CCSER1: variants seen among roughly 807,000 people sequenced by gnomAD.
CCSER1 encodes the protein coiled-coil serine rich protein 1, also known as serine-rich coiled-coil domain-containing protein 1.
CCSER1 carries 41 observed loss-of-function variants against 82.0 expected under a neutral mutation model. The observed-to-expected ratio is 0.50, with a 90% CI of 0.39 to 0.65. CCSER1 has a LOEUF of 0.65. CCSER1 is among the 30% of genes least tolerant of loss of function. The probability of loss-of-function intolerance (pLI) is 0.00; values close to 1 mark genes in which losing one functional copy is unlikely to be tolerated. For synonymous variants in CCSER1, 414 were observed against 383.9 expected (o/e 1.08, Z -0.92); for missense variants, 1,119 against 1,064.2 (o/e 1.05, Z -0.72).
intron 10 of CCSER1, among the ~76,000 whole-genome samples, chr4:91,558,857 A>G (rs1032466876): frequency 6.6e-6 from 1 of 151,588 alleles, no homozygotes; most frequent in Non-Finnish European, 1.5e-5. Context: ...GATTTGGGTG[A>G]GGACACAGCC....
chr4:90,741,295 C>T (rs188103285), intron 7 of CCSER1, among the ~76,000 whole-genome samples: 13 of 152,274 alleles, frequency 8.5e-5, no homozygotes, highest in African/African-American at 2.2e-4. Flanking sequence ...AGATTGGCAT[C>T]ACTGAAACAT....
At chr4:90,380,375 A>G (rs760288197) in intron 3 of CCSER1, among the ~76,000 whole-genome samples, 5 of 152,186 alleles carry the variant, frequency 3.3e-5, no homozygotes, top group Non-Finnish European at 1.5e-5. Flanking sequence ...AAAAAGTAAT[A>G]TTTTAGTTAC....
chr4:91,594,762 G>C (rs961822717), intron 10 of CCSER1, among the ~76,000 whole-genome samples: 6 of 151,826 alleles, frequency 4.0e-5, no homozygotes, highest in South Asian at 2.1e-4. Flanking sequence ...CTGAAGCCCA[G>C]AATAATTAAT....
chr4:90,551,063 C>A (rs2153640624), intron 5 of CCSER1, among the ~76,000 whole-genome samples: 2 of 152,226 alleles, frequency 1.3e-5, no homozygotes, highest in South Asian at 4.1e-4. Flanking sequence ...CTAGGAAGTG[C>A]ATGTGGTGTT....
At chr4:90,482,652 G>A (rs1332479904) in intron 5 of CCSER1, among the ~76,000 whole-genome samples, 3 of 152,162 alleles carry the variant, frequency 2.0e-5, no homozygotes, top group South Asian at 2.1e-4. Context: ...TCAGGAGCAG[G>A]TTGTTCAGTT....
intron 1 of CCSER1, among the ~76,000 whole-genome samples, chr4:90,276,239 TTTCTTTCTTTCTTTCCTTCCTTCC>T (rs1361963958): frequency 6.4e-4 from 71 of 110,220 alleles, no homozygotes; most frequent in East Asian, 6.4e-3. Context: ...TCTTTCTTTC[TTTCTTTCTTTCTTTCCTTCCTTCC>T]TTCCTTCCTT....
At chr4:90,890,450 C>G (rs1722794421) in intron 8 of CCSER1, among the ~76,000 whole-genome samples, 1 of 152,174 alleles carries the variant, frequency 6.6e-6, no homozygotes, top group South Asian at 2.1e-4. Context: ...AATGCTCACT[C>G]TAAGCAGCCA....
Position 91,484,534 on chromosome 4 carries a change from A to G in CCSER1, c.2218-114038A>G, listed in dbSNP as rs1758117319. ...ACAACACAATTTCTATATAATATTT[A>G]TTTATAAATGTTCATGTTTTAGGTA... is the stretch of plus-strand genomic sequence containing the variant. On this transcript the variant is annotated intron_variant, in intron 10 of 10. Coordinates refer to ENST00000509176, the MANE Select transcript of CCSER1 (RefSeq NM_001145065.2). 2.0e-5 allele frequency among the ~76,000 whole-genome samples: 3 copies of G among 152,316 alleles called. No individual in the cohort carries two copies. In the South Asian group the frequency reaches 6.2e-4, roughly 32 times the overall value.
At chr4:91,166,823 A>T (rs996982908) in intron 10 of CCSER1, among the ~76,000 whole-genome samples, 6 of 152,144 alleles carry the variant, frequency 3.9e-5, no homozygotes, top group African/African-American at 7.2e-5. Flanking sequence ...TTAATTTTTC[A>T]TTTTTGTTCT....
At chr4:90,588,916 C>T (rs796631227) in intron 5 of CCSER1, among the ~76,000 whole-genome samples, 1 of 152,200 alleles carries the variant, frequency 6.6e-6, no homozygotes, top group South Asian at 2.1e-4. Flanking sequence ...TACCCAGTCT[C>T]AGGTATGTCT....
At chr4:91,295,765 T>A (rs1744109655) in intron 10 of CCSER1, among the ~76,000 whole-genome samples, 1 of 151,926 alleles carries the variant, frequency 6.6e-6, no homozygotes, top group Non-Finnish European at 1.5e-5. Context: ...CACATCACAG[T>A]TTTCCTATTT....
At chr4:90,746,871 C>G (rs926998119) in intron 7 of CCSER1, among the ~76,000 whole-genome samples, 1 of 152,196 alleles carries the variant, frequency 6.6e-6, no homozygotes, top group Non-Finnish European at 1.5e-5. Context: ...AGTATCCTGA[C>G]TGCAGGTTGC....
intron 1 of CCSER1, among the ~76,000 whole-genome samples, chr4:90,258,411 CTG>C (rs1723733599): frequency 6.6e-6 from 1 of 152,144 alleles, no homozygotes; most frequent in African/African-American, 2.4e-5. Context: ...ACTCGGGAGA[CTG>C]AGGCAGGAGA....
chr4:90,369,753 C>T (rs750852100), intron 3 of CCSER1, among the ~76,000 whole-genome samples: 20 of 151,942 alleles, frequency 1.3e-4, no homozygotes, highest in Non-Finnish European at 1.8e-4. Flanking sequence ...TTGTCCTCCA[C>T]CTACCCCTCC....
chr4:91,467,304 A>G (rs1488816390), intron 10 of CCSER1, among the ~76,000 whole-genome samples: 1 of 152,246 alleles, frequency 6.6e-6, no homozygotes, highest in East Asian at 1.9e-4. Context: ...CCATGTGTAG[A>G]AAGCTGAAAC....
chr4:90,486,021 A>T (rs1038364481), intron 5 of CCSER1, among the ~76,000 whole-genome samples: 1 of 152,060 alleles, frequency 6.6e-6, no homozygotes, highest in Non-Finnish European at 1.5e-5. Flanking sequence ...CTTTTACCTT[A>T]TTTACCACAG....
At chr4:91,010,157 T>C (rs1738886716) in intron 9 of CCSER1, among the ~76,000 whole-genome samples, 1 of 152,194 alleles carries the variant, frequency 6.6e-6, no homozygotes, top group African/African-American at 2.4e-5. Flanking sequence ...AGGATAGCTT[T>C]GCTGGATATA....
chr4:90,926,669 A>AG (rs1247254222), intron 9 of CCSER1, among the ~76,000 whole-genome samples: 1 of 152,182 alleles, frequency 6.6e-6, no homozygotes, highest in Admixed American at 6.5e-5. Flanking sequence ...CTTAAAAAAA[A>AG]AATTCAGAGT....
chr4:90,361,600 C>T (rs987525964), intron 3 of CCSER1, among the ~76,000 whole-genome samples: 2 of 152,170 alleles, frequency 1.3e-5, no homozygotes, highest in Non-Finnish European at 2.9e-5. Flanking sequence ...GAGCCTATCA[C>T]CCAGGTAGTG....
Sources: gnomAD v4.1 joint callset for allele counts (sites outside exome capture counted in the v4.1 genomes callset) on GRCh38, gnomAD v4.1.1 for gene constraint, MANE v1.5 for transcripts, NCBI Gene and HGNC (gene_info 2026-07-23, HGNC 2026-07-21) for gene names.